The following DLC1 variants were observed in gnomAD, a reference collection of about 807,000 sequenced individuals.
DLC1 encodes the protein DLC1 Rho GTPase activating protein, also known as rho GTPase-activating protein 7.
Under a neutral mutation model 140.3 loss-of-function variants are expected in DLC1, and 54 were observed. That is an observed-to-expected ratio of 0.38 (90% confidence interval 0.31 to 0.48). The LOEUF (loss-of-function observed/expected upper bound fraction) is 0.48, where lower values mean the gene tolerates loss of function less well. Among genes scored for constraint, DLC1 ranks in the 20% least tolerant of loss-of-function variants. The pLI is 0.96. For synonymous variants in DLC1, 986 were observed against 728.1 expected (o/e 1.35, Z -5.70); for missense variants, 2,536 against 1,907.0 (o/e 1.33, Z -6.14).
rs74760525 is a variant in DLC1 at position 13,413,807 on chromosome 8, G to A, written c.1024-12188C>T. ...ATCATAAATTTCCTGAGGCCTCCCA[G>A]CCATGCGGAACTCTGAGTCAGTTAA... is the stretch of plus-strand genomic sequence containing the variant. On this transcript the variant is annotated intron_variant, in intron 2 of 17. Transcript: ENST00000276297. 6.7e-3 allele frequency among the ~76,000 whole-genome samples: 1,023 copies of A among 152,172 alleles called. 11 individuals carry two copies. The highest frequency in any genetic ancestry group is 0.021 in the South Asian group (103 of 4,810).
chr8:13,287,733 A>C (rs975762540), intron 5 of DLC1, among the ~76,000 whole-genome samples: 7 of 152,258 alleles, frequency 4.6e-5, no homozygotes, highest in African/African-American at 1.7e-4. Context: ...ATCTGGCACC[A>C]AGACTAGATC....
intron 4 of DLC1, among the ~76,000 whole-genome samples, chr8:13,350,115 A>G (rs947559817): frequency 6.6e-6 from 1 of 152,230 alleles, no homozygotes; most frequent in African/African-American, 2.4e-5. Context: ...CTCTGTGGCC[A>G]GAGGCTGGAT....
chr8:13,573,936 C>T (rs191005726), intron 1 of DLC1, among the ~76,000 whole-genome samples: 46 of 152,180 alleles, frequency 3.0e-4, no homozygotes, highest in African/African-American at 9.1e-4. Context: ...GTAGAGACTC[C>T]CTCCATCATT....
intron 7 of DLC1, among the ~76,000 whole-genome samples, chr8:13,105,298 A>G (rs533119950): frequency 1.8e-3 from 276 of 151,876 alleles, no homozygotes; most frequent in Non-Finnish European, 2.9e-3. Flanking sequence ...GTCCTGGAGG[A>G]CCCCCAAAGA....
intron 5 of DLC1, among the ~76,000 whole-genome samples, chr8:13,248,676 T>A: frequency 6.6e-6 from 1 of 152,096 alleles, no homozygotes; most frequent in Non-Finnish European, 1.5e-5. Flanking sequence ...GGTGCTTCCT[T>A]CAGAAGTCCT....
At chr8:13,202,302 A>G (rs1342701920) in intron 5 of DLC1, among the ~76,000 whole-genome samples, 1 of 152,168 alleles carries the variant, frequency 6.6e-6, no homozygotes, top group Non-Finnish European at 1.5e-5. Context: ...AATTGACACA[A>G]TAATTGTACT....
intron 2 of DLC1, among the ~76,000 whole-genome samples, chr8:13,491,288 T>C (rs1311396405): frequency 6.6e-6 from 1 of 151,962 alleles, no homozygotes; most frequent in Non-Finnish European, 1.5e-5. Flanking sequence ...TCTCTTATTC[T>C]ATTCTTCCTG....
chr8:13,440,481 T>G (rs1276203322), intron 2 of DLC1, among the ~76,000 whole-genome samples: 1 of 152,058 alleles, frequency 6.6e-6, no homozygotes, highest in Non-Finnish European at 1.5e-5. Context: ...CTAGAAAGAG[T>G]GACATTGCTT....
chr8:13,257,899 C>G (rs2117315577), intron 5 of DLC1, among the ~76,000 whole-genome samples: 1 of 152,178 alleles, frequency 6.6e-6, no homozygotes, highest in South Asian at 2.1e-4. Flanking sequence ...TTTATCAAAG[C>G]AATGAAAAAG....
chr8:13,147,065 C>T (rs1563684865), intron 5 of DLC1, among the ~76,000 whole-genome samples: 1 of 152,136 alleles, frequency 6.6e-6, no homozygotes, highest in South Asian at 2.1e-4. Flanking sequence ...TCTTCATTTG[C>T]CCTGGTTTGT....
intron 2 of DLC1, among the ~76,000 whole-genome samples, chr8:13,435,106 C>T (rs189679572): frequency 3.8e-4 from 58 of 152,286 alleles, no homozygotes; most frequent in African/African-American, 1.3e-3. Context: ...CTAGATACCA[C>T]TAAGAGAATT....
chr8:13,276,442 A>G, intron 5 of DLC1: 2 of 1,420,418 alleles, frequency 1.4e-6, no homozygotes, highest in Non-Finnish European at 1.8e-6. Flanking sequence ...CGCCGCGACC[A>G]TGCCTCGGTA....
At chr8:13,369,730 G>A (rs1424785546) in intron 4 of DLC1, among the ~76,000 whole-genome samples, 1 of 151,930 alleles carries the variant, frequency 6.6e-6, no homozygotes, top group African/African-American at 2.4e-5. Context: ...TCTCTGGCCT[G>A]GAGGGTTACA....
At position 13,383,218 on chromosome 8, in the gene DLC1, C is replaced by A. The variant is rs185069310; in HGVS notation, c.1314+10335G>T. On this transcript the variant is annotated intron_variant, in intron 4 of 17. Coordinates refer to ENST00000276297, the MANE Select transcript of DLC1 (RefSeq NM_182643.3). ...CGGTATGAATGATTCCAGCCAAAGA[C>A]CTTCAAATATGTGCCCTGTTGTTTT... Among the ~76,000 whole-genome samples the A allele has an allele frequency of 2.8e-3, 428 of 152,280 alleles. 4 individuals carry two copies. Among genetic ancestry groups the A allele is most frequent in the African/African-American group, 9.6e-3 (398 of 41,550 alleles).
At chr8:13,405,529 T>C (rs563871603) in intron 2 of DLC1, among the ~76,000 whole-genome samples, 1 of 152,282 alleles carries the variant, frequency 6.6e-6, no homozygotes, top group South Asian at 2.1e-4. Flanking sequence ...TCCAGGGAGT[T>C]TTTAAAATCC....
At chr8:13,157,654 G>T (rs1370476801) in intron 5 of DLC1, among the ~76,000 whole-genome samples, 7 of 152,156 alleles carry the variant, frequency 4.6e-5, no homozygotes, top group African/African-American at 1.7e-4. Flanking sequence ...GGTCTAAAAA[G>T]GGATGTCTTC....
chr8:13,104,430 A>T (rs1819382221), intron 7 of DLC1, among the ~76,000 whole-genome samples: 1 of 152,044 alleles, frequency 6.6e-6, no homozygotes, highest in Non-Finnish European at 1.5e-5. Context: ...TGCTGAACTA[A>T]ACGGTATGTA....
chr8:13,127,982 G>A (rs1821727980), intron 5 of DLC1, among the ~76,000 whole-genome samples: 2 of 151,656 alleles, frequency 1.3e-5, no homozygotes, highest in African/African-American at 4.8e-5. Context: ...GCACCAAGTA[G>A]AGAAATGTAT....
At chr8:13,141,199 G>A (rs1010478455) in intron 5 of DLC1, among the ~76,000 whole-genome samples, 5 of 140,400 alleles carry the variant, frequency 3.6e-5, no homozygotes, top group African/African-American at 1.3e-4. Context: ...AGTTTGCGGT[G>A]AGCCGAGATT....
Sources: gnomAD v4.1 joint callset for allele counts (sites outside exome capture counted in the v4.1 genomes callset) on GRCh38, gnomAD v4.1.1 for gene constraint, MANE v1.5 for transcripts, NCBI Gene and HGNC (gene_info 2026-07-23, HGNC 2026-07-21) for gene names.